Variants in RYR2 observed in about 807,000 individuals in gnomAD.
The protein encoded by RYR2 is ryanodine receptor 2.
In RYR2, 227 loss-of-function variants were observed where a neutral mutation model predicts 601.1. The observed-to-expected ratio is 0.38, with a 90% CI of 0.34 to 0.42. The LOEUF is 0.42. RYR2 is among the 10% of genes least tolerant of loss of function. The probability of loss-of-function intolerance (pLI) is 1.00; values close to 1 mark genes in which losing one functional copy is unlikely to be tolerated. For synonymous variants in RYR2, 2,223 were observed against 2,175.1 expected, an observed-to-expected ratio of 1.02 and a Z score of -0.61; for missense variants, 4,646 against 6,156.5, an observed-to-expected ratio of 0.75 and a Z score of 8.21.
At chr1:237,662,242 T>C (rs557005466) in intron 56 of RYR2, among the ~76,000 whole-genome samples, 2 of 152,240 alleles carry the variant, frequency 1.3e-5, no homozygotes, top group African/African-American at 2.4e-5. Context: ...TATAAAAGTG[T>C]ATTTTATCTA....
At chr1:237,053,943 A>G (rs780635581) in intron 1 of RYR2, among the ~76,000 whole-genome samples, 5 of 152,192 alleles carry the variant, frequency 3.3e-5, no homozygotes, top group Admixed American at 6.5e-5. Context: ...ACATGAAAGG[A>G]CAAGTATATT....
At chr1:237,119,081 T>C (rs947247117) in intron 1 of RYR2, among the ~76,000 whole-genome samples, 1 of 152,152 alleles carries the variant, frequency 6.6e-6, no homozygotes, top group African/African-American at 2.4e-5. Context: ...AATGTGCCTG[T>C]GATTGCAGAT....
intron 1 of RYR2, among the ~76,000 whole-genome samples, chr1:237,213,909 C>CTTTTTCTTT (rs1682869036): frequency 1.2e-4 from 13 of 107,356 alleles, no homozygotes; most frequent in African/African-American, 4.4e-4. Context: ...CTTTTTTTTT[C>CTTTTTCTTT]TTTTTCTTTT....
At chr1:237,339,978 A>C (rs908164297) in intron 3 of RYR2, among the ~76,000 whole-genome samples, 3 of 152,184 alleles carry the variant, frequency 2.0e-5, no homozygotes, top group Non-Finnish European at 4.4e-5. Context: ...TGGGGATGGC[A>C]ATAGGGAAGG....
chr1:237,402,406 A>G (rs1374436438), intron 10 of RYR2, among the ~76,000 whole-genome samples: 2 of 150,338 alleles, frequency 1.3e-5, no homozygotes, highest in Non-Finnish European at 3.0e-5. Context: ...AAAGAAAAAA[A>G]AATATATATA....
At position 237,756,397 on chromosome 1, in the gene RYR2, C is replaced by G; in HGVS notation, c.11245+10C>G. On this transcript the variant is annotated intron_variant, in intron 81 of 104. Coordinates refer to ENST00000366574, the MANE Select transcript of RYR2 (RefSeq NM_001035.3). ...ATCAGTGCCAGCAAAGGTAAGGTTC[C>G]TTGAGTTCCCCTCACGAGTGTCTGT... The G allele has an allele frequency of 6.3e-7, 1 of 1,580,470 alleles. No individual in the cohort carries two copies. Among genetic ancestry groups the G allele is most frequent in the Admixed American group, 1.7e-5 (1 of 59,118 alleles).
chr1:237,260,840 A>G (rs1194223702), intron 1 of RYR2, among the ~76,000 whole-genome samples: 2 of 152,226 alleles, frequency 1.3e-5, no homozygotes, highest in African/African-American at 4.8e-5. Flanking sequence ...TCATGGAACA[A>G]TGATAAACAA....
intron 80 of RYR2, among the ~76,000 whole-genome samples, chr1:237,747,551 A>C (rs1398678129): frequency 1.3e-5 from 2 of 152,094 alleles, no homozygotes; most frequent in African/African-American, 4.8e-5. Context: ...ATATAGCACT[A>C]CCCCAATGAT....
At chr1:237,341,878 A>G (rs1341913812) in intron 3 of RYR2, among the ~76,000 whole-genome samples, 1 of 152,140 alleles carries the variant, frequency 6.6e-6, no homozygotes, top group East Asian at 1.9e-4. Context: ...GGGTTCGGTA[A>G]TCCTCCATCC....
intron 46 of RYR2, 127 bp downstream of exon 46, chr1:237,639,328 A>C: frequency 1.1e-6 from 1 of 921,132 alleles, no homozygotes; most frequent in Non-Finnish European, 1.5e-6. Flanking sequence ...CTTTGAAAAT[A>C]TAATGTCTTA....
chr1:237,065,269 CTTTTTTTTTTTT>C (rs766039441), intron 1 of RYR2, among the ~76,000 whole-genome samples: 2 of 77,492 alleles, frequency 2.6e-5, no homozygotes, highest in African/African-American at 5.2e-5. Context: ...GTGTGCTATC[CTTTTTTTTTTTT>C]TTTTTTTTTT....
At chr1:237,712,534 C>T (rs1688933445) in intron 71 of RYR2, among the ~76,000 whole-genome samples, 1 of 151,868 alleles carries the variant, frequency 6.6e-6, no homozygotes. Flanking sequence ...ACATGCTTCA[C>T]ACACACACAC....
At chr1:237,755,042 A>T in intron 80 of RYR2, 1 of 1,283,654 alleles carries the variant, frequency 7.8e-7, no homozygotes, top group Non-Finnish European at 1.0e-6. Flanking sequence ...AAAAACCCTG[A>T]TCAATTTTGT....
At chr1:237,499,498 A>C (rs190943350) in intron 20 of RYR2, among the ~76,000 whole-genome samples, 13 of 152,336 alleles carry the variant, frequency 8.5e-5, no homozygotes, top group Admixed American at 5.9e-4. Context: ...TGTAAATAAC[A>C]TCGCTATTAG....
chr1:237,199,345 C>G (rs955765554), intron 1 of RYR2, among the ~76,000 whole-genome samples: 2 of 152,222 alleles, frequency 1.3e-5, no homozygotes, highest in South Asian at 2.1e-4. Flanking sequence ...AGCAGTGCAG[C>G]CTTCAGTCTG....
chr1:237,262,103 G>A (rs1688582440), intron 1 of RYR2, among the ~76,000 whole-genome samples: 1 of 151,926 alleles, frequency 6.6e-6, no homozygotes, highest in South Asian at 2.1e-4. Context: ...TTTGAGAATT[G>A]TTCTCCATTC....
At chr1:237,591,626 C>T in intron 31 of RYR2, 113 bp from the exon 32 acceptor site, 1 of 808,292 alleles carries the variant, frequency 1.2e-6, no homozygotes, top group Admixed American at 2.1e-5. Flanking sequence ...CCAGATGTCC[C>T]CCAGGGAGCA....
rs771045857 is a variant in RYR2 at position 237,565,157 on chromosome 1, CTCTTTCTTTCTTTCTTTCTTTCTT to C, written c.3215-1364_3215-1341del. Among the ~76,000 whole-genome samples, 213 of 52,864 alleles carry C rather than the reference CTCTTTCTTTCTTTCTTTCTTTCTT, an allele frequency of 4.0e-3. 2 individuals are homozygous for C. The highest frequency in any genetic ancestry group is 7.6e-3 in the African/African-American group (158 of 20,744). The allele number at this position is 52,864 out of a possible 152,430, so 34.7% of individuals were successfully genotyped here. Reference sequence around the variant, plus strand: ...TTTCTTTCTTTTTCTTTCTTTCTTTCTCTTTCTTTCTTTCTTTCTTTCTTTCTTTCTTTCTTTCTTTCTTTCTTT... The same window carrying C: ...TTTCTTTCTTTTTCTTTCTTTCTTTCTCTTTCTTTCTTTCTTTCTTTCTTT... On this transcript the variant is annotated intron_variant, in intron 27 of 104. Transcript: ENST00000366574.
chr1:237,342,055 A>G (rs1055981283), intron 3 of RYR2, among the ~76,000 whole-genome samples: 10 of 152,328 alleles, frequency 6.6e-5, no homozygotes, highest in African/African-American at 2.2e-4. Context: ...CTATTTACAG[A>G]AGGCAATACA....
Sources: allele counts gnomAD v4.1 joint callset (sites outside exome capture counted in the v4.1 genomes callset), GRCh38; gene constraint gnomAD v4.1.1; transcripts MANE v1.5; gene names NCBI Gene and HGNC (gene_info 2026-07-23, HGNC 2026-07-21).